MYO16: variants seen among roughly 807,000 people sequenced by gnomAD.
MYO16 encodes the protein myosin XVI.
A neutral mutation model predicts 205.3 loss-of-function variants in MYO16; 94 were observed. The observed-to-expected ratio is 0.46, with a 90% confidence interval of 0.39 to 0.54. The LOEUF (loss-of-function observed/expected upper bound fraction) is 0.54. Ranked by LOEUF, MYO16 falls within the 20% of genes least tolerant of loss-of-function variation. The pLI, the probability that MYO16 is intolerant of heterozygous loss-of-function variation, is 0.00. For missense variants in MYO16, 2,315 were observed against 2,387.5 expected, an observed-to-expected ratio of 0.97 and a Z score of 0.63; for synonymous variants, 988 against 954.0, an observed-to-expected ratio of 1.04 and a Z score of -0.66.
chr13:108,820,651 C>T (rs1444468162), intron 8 of MYO16, among the ~76,000 whole-genome samples: 1 of 152,092 alleles, frequency 6.6e-6, no homozygotes, highest in South Asian at 2.1e-4. Flanking sequence ...TACTGTTGTA[C>T]TTTGTTGTAT....
chr13:108,800,596 A>G (rs1295204708), intron 6 of MYO16, among the ~76,000 whole-genome samples: 1 of 152,202 alleles, frequency 6.6e-6, no homozygotes, highest in Non-Finnish European at 1.5e-5. Context: ...CTGAGATAGT[A>G]AAAATCCTGT....
At chr13:108,875,479 T>G (rs531834091) in intron 12 of MYO16, among the ~76,000 whole-genome samples, 2 of 152,184 alleles carry the variant, frequency 1.3e-5, no homozygotes, top group African/African-American at 4.8e-5. Context: ...CATCAGGTAA[T>G]GTGTTGCCAG....
chr13:108,616,157 G>A (rs1287282011), intron 1 of MYO16, among the ~76,000 whole-genome samples: 4 of 152,106 alleles, frequency 2.6e-5, no homozygotes, highest in Non-Finnish European at 5.9e-5. Flanking sequence ...TCTTATCCAA[G>A]TCAACTTTTA....
intron 12 of MYO16, among the ~76,000 whole-genome samples, chr13:108,867,627 T>C (rs756511387): frequency 1.2e-4 from 19 of 152,366 alleles, no homozygotes; most frequent in Non-Finnish European, 2.1e-4. Flanking sequence ...TTCTGTATCT[T>C]TCACTTTGTG....
Position 109,206,934 on chromosome 13 carries a change from C to A in MYO16, c.*98C>A. 9.5e-7 allele frequency: 1 copy of A among 1,049,236 alleles called. No homozygotes were observed. The highest frequency in any genetic ancestry group is 1.4e-6 in the Non-Finnish European group (1 of 717,216). 65.0% of individuals were successfully genotyped at this position (1,049,236 alleles called of 1,614,324 possible). A position where few individuals can be genotyped will look rare whatever the true frequency, so the allele number is the denominator to read the frequency against. Reference sequence around the variant, plus strand: ...TCTGACATGCGCTGGGGCTTCTCTCCACGCATTTAGACAAAAAAAGCACAG... The same window carrying A: ...TCTGACATGCGCTGGGGCTTCTCTCAACGCATTTAGACAAAAAAAGCACAG... On this transcript the variant is annotated 3_prime_UTR_variant, in exon 35 of 35. Transcript: ENST00000457511.
chr13:108,752,243 A>G (rs1352515040), intron 4 of MYO16, among the ~76,000 whole-genome samples: 2 of 152,222 alleles, frequency 1.3e-5, no homozygotes. Flanking sequence ...AAGAAAGACC[A>G]AGTCTCATTG....
Position 108,720,946 on chromosome 13 carries a change from C to T in MYO16, c.364-6494C>T, listed in dbSNP as rs532797249. Among the ~76,000 whole-genome samples, 18 of 151,754 alleles carry T rather than the reference C, an allele frequency of 1.2e-4. No individual in the cohort carries two copies. In the East Asian group the frequency reaches 3.5e-3, roughly 29 times the overall value. On this transcript the variant is annotated intron_variant, in intron 3 of 34. Transcript: ENST00000457511. ...GGTCATTCATGATATGTTCATTAGC[C>T]AATCAGAAGGGCCAGGATCCAGAAA...
intron 21 of MYO16, among the ~76,000 whole-genome samples, chr13:108,996,949 G>A (rs1183465507): frequency 6.6e-6 from 1 of 152,148 alleles, no homozygotes; most frequent in Admixed American, 6.5e-5. Flanking sequence ...GCAAAGGCAT[G>A]TAGTGAATCT....
intron 3 of MYO16, among the ~76,000 whole-genome samples, chr13:108,721,786 G>T (rs1884173708): frequency 6.6e-6 from 1 of 152,218 alleles, no homozygotes; most frequent in Admixed American, 6.5e-5. Flanking sequence ...GGCTGCAGGA[G>T]AGATGGTGTT....
chr13:109,016,677 C>T (rs1432810344), intron 22 of MYO16, among the ~76,000 whole-genome samples: 2 of 152,098 alleles, frequency 1.3e-5, no homozygotes, highest in African/African-American at 2.4e-5. Context: ...GGATAGTCAG[C>T]TCTTCTTGTT....
chr13:108,896,632 A>T (rs1259376995), intron 14 of MYO16, among the ~76,000 whole-genome samples: 1 of 152,220 alleles, frequency 6.6e-6, no homozygotes, highest in African/African-American at 2.4e-5. Flanking sequence ...TTCCAGGTTA[A>T]TTCAACACCT....
At chr13:109,176,819 G>A (rs1290138339) in intron 33 of MYO16, among the ~76,000 whole-genome samples, 1 of 150,136 alleles carries the variant, frequency 6.7e-6, no homozygotes, top group Non-Finnish European at 1.5e-5. Context: ...CCTCCCCGCT[G>A]TCCTCACCTG....
intron 22 of MYO16, among the ~76,000 whole-genome samples, chr13:109,016,957 C>G (rs1885848013): frequency 6.6e-6 from 1 of 152,106 alleles, no homozygotes; most frequent in African/African-American, 2.4e-5. Flanking sequence ...GCATTTAGCC[C>G]ATTTACATTT....
At chr13:108,824,098 T>C (rs1876129754) in intron 9 of MYO16, among the ~76,000 whole-genome samples, 1 of 152,108 alleles carries the variant, frequency 6.6e-6, no homozygotes, top group South Asian at 2.1e-4. Flanking sequence ...ATGTAACGTG[T>C]GGGACCTTGT....
intron 2 of MYO16, among the ~76,000 whole-genome samples, chr13:108,699,216 A>G (rs990068557): frequency 4.6e-5 from 7 of 151,512 alleles, no homozygotes; most frequent in Non-Finnish European, 7.4e-5. Context: ...ATATACACAT[A>G]TATGTATTTA....
intron 2 of MYO16, among the ~76,000 whole-genome samples, chr13:108,691,181 A>C (rs1294692656): frequency 2.0e-5 from 3 of 152,010 alleles, no homozygotes; most frequent in African/African-American, 7.3e-5. Flanking sequence ...TTTTTTATTG[A>C]ATGGAATATA....
rs143821963 is a variant in MYO16, at chr13:109,145,481, A to T, written c.5164+4105A>T. 2.0e-3 allele frequency among the ~76,000 whole-genome samples: 308 copies of T among 152,342 alleles called. 1 individual carries two copies. Among genetic ancestry groups the T allele is most frequent in the African/African-American group, 7.0e-3 (291 of 41,586 alleles). ...CCCATAAACTCAAGAATGCCAAATG[A>T]ACTTTATACTGATGATGGGTATGTA... On this transcript the variant is annotated intron_variant, in intron 32 of 34. Coordinates refer to ENST00000457511, the MANE Select transcript of MYO16 (RefSeq NM_001198950.3).
chr13:109,084,676 TTAAG>T (rs34207220), intron 27 of MYO16, among the ~76,000 whole-genome samples: 19,960 of 151,884 alleles, frequency 0.13, 1,584 homozygotes, highest in East Asian at 0.42. Flanking sequence ...GAAATAATAT[TTAAG>T]TAATTATTAA....
intron 16 of MYO16, among the ~76,000 whole-genome samples, chr13:108,948,529 C>G (rs1291159357): frequency 2.0e-5 from 3 of 152,234 alleles, no homozygotes; most frequent in Non-Finnish European, 4.4e-5. Context: ...GGGGCCACAC[C>G]TGCACCCTGG....
Sources: allele counts gnomAD v4.1 joint callset (sites outside exome capture counted in the v4.1 genomes callset), GRCh38; gene constraint gnomAD v4.1.1; transcripts MANE v1.5; gene names NCBI Gene and HGNC (gene_info 2026-07-23, HGNC 2026-07-21).